The following OPRL1 variants were observed in gnomAD, a reference collection of about 807,000 sequenced individuals.
The protein encoded by OPRL1 is nociceptin receptor.
In OPRL1, 5 loss-of-function variants were observed where a neutral mutation model predicts 15.5. That is an observed-to-expected ratio of 0.32 (90% CI 0.17 to 0.68). OPRL1 has a LOEUF of 0.68. OPRL1 is among the 30% of genes least tolerant of loss of function. OPRL1 has a pLI of 0.72. For missense variants in OPRL1, 406 were observed against 515.3 expected, an observed-to-expected ratio of 0.79 and a Z score of 2.05; for synonymous variants, 223 against 230.2, an observed-to-expected ratio of 0.97 and a Z score of 0.28.
chr20:64,083,735 C>T lies in OPRL1; in HGVS notation c.-185+3383C>T. 1 of 1,348,488 alleles carries T rather than the reference C, an allele frequency of 7.4e-7. No individual in the cohort carries two copies. Among genetic ancestry groups the T allele is most frequent in the Non-Finnish European group, 9.5e-7 (1 of 1,057,258 alleles). 83.5% of individuals were successfully genotyped at this position (1,348,488 alleles called of 1,614,324 possible). On this transcript the variant is annotated intron_variant, in intron 1 of 4. Coordinates refer to ENST00000336866, the MANE Select transcript of OPRL1 (RefSeq NM_182647.4). The surrounding 1 kb of genome is among the most constrained non-coding windows in gnomAD (Gnocchi z 4.9). The stretch of plus-strand genomic sequence containing the variant: ...GGGGCCCGGGTAGCTGAGCGCGCGC[C>T]GAGCCCCGCCCCGCCCCGCCCCGGC...
chr20:64,092,364 G>T (rs1277621795), intron 2 of OPRL1, among the ~76,000 whole-genome samples: 1 of 152,166 alleles, frequency 6.6e-6, no homozygotes, highest in East Asian at 1.9e-4. Flanking sequence ...GTCCCTGTGG[G>T]TGGACACGTG....
intron 3 of OPRL1, among the ~76,000 whole-genome samples, chr20:64,096,602 A>G (rs1419679034): frequency 6.6e-6 from 1 of 152,104 alleles, no homozygotes; most frequent in South Asian, 2.1e-4. Flanking sequence ...TCTAACAGGC[A>G]GAATGGAGCC....
In OPRL1 at chr20:64,092,695, A is replaced by G. The variant is rs2060132481; in HGVS notation, c.-26A>G. Reference sequence around the variant, plus strand: ...CTCTGCGCTCTGTCCCAGGTACCGTACAGAGTGGATTTGCAGGGCAGTGGC... The same window carrying G: ...CTCTGCGCTCTGTCCCAGGTACCGTGCAGAGTGGATTTGCAGGGCAGTGGC... On this transcript the variant is annotated 5_prime_UTR_variant, in exon 3 of 5. Transcript: ENST00000336866. 1 of 1,603,766 alleles carries G rather than the reference A, an allele frequency of 6.2e-7. No individual in the cohort carries two copies. Among genetic ancestry groups the G allele is most frequent in the Non-Finnish European group, 8.5e-7 (1 of 1,174,086 alleles).
chr20:64,098,738 G>T lies in OPRL1; in HGVS notation c.1052G>T (p.Ser351Ile). The change falls in exon 5 of 5, where the codon AGC (serine) becomes ATC (isoleucine). Residue 351 changes from serine (S) to isoleucine (I), a missense_variant. Transcript: ENST00000336866. ...RDVQVSDRVR[S>I]IAKDVALACK... is the part of the protein sequence containing the mutation. The stretch of plus-strand genomic sequence containing the variant: ...GTGCAGGTGTCTGACCGCGTGCGCA[G>T]CATTGCCAAGGACGTGGCCCTGGCC... The T allele has an allele frequency of 6.2e-7, 1 of 1,610,674 alleles. No homozygotes were observed.
At chr20:64,087,851 G>C (rs973086977) in intron 1 of OPRL1, among the ~76,000 whole-genome samples, 1 of 152,206 alleles carries the variant, frequency 6.6e-6, no homozygotes, top group Non-Finnish European at 1.5e-5. Context: ...TGGCAGGTTG[G>C]GGGAGGGCAG....
In OPRL1 at chr20:64,083,473, G is replaced by C. The variant is rs1312869522; in HGVS notation, c.-185+3121G>C. ...ATGGTGCCATCCACGTTCTCCTCCA[G>C]GATGGTCTCCACGCGCCTCCGCTGC... is the stretch of plus-strand genomic sequence containing the variant. On this transcript the variant is annotated intron_variant, in intron 1 of 4. Coordinates refer to ENST00000336866, the MANE Select transcript of OPRL1 (RefSeq NM_182647.4). This position sits in a 1 kb window ranked among gnomAD's most constrained non-coding sequence, Gnocchi z 4.9. The C allele has an allele frequency of 3.1e-6, 5 of 1,604,830 alleles. No homozygotes were observed. Among genetic ancestry groups the C allele is most frequent in the Non-Finnish European group, 4.2e-6 (5 of 1,176,640 alleles).
intron 1 of OPRL1, among the ~76,000 whole-genome samples, chr20:64,087,031 C>G (rs1289604892): frequency 6.6e-6 from 1 of 152,216 alleles, no homozygotes; most frequent in Non-Finnish European, 1.5e-5. Flanking sequence ...AATCTCACCC[C>G]GGAACCCAGG....
intron 1 of OPRL1, among the ~76,000 whole-genome samples, chr20:64,082,131 A>G (rs541614479): frequency 3.5e-4 from 53 of 152,314 alleles, no homozygotes; most frequent in African/African-American, 1.3e-3. Flanking sequence ...AGACGACACC[A>G]GGGCTGGCTG....
At chr20:64,091,933 C>T (rs1452384237) in intron 1 of OPRL1, 33 bp from the exon 2 acceptor site, 1 of 152,694 alleles carries the variant, frequency 6.5e-6, no homozygotes, top group African/African-American at 2.4e-5. Flanking sequence ...CCCTCCCCTT[C>T]TGGAGCTGCA....
intron 1 of OPRL1, chr20:64,084,420 T>C (rs1350978810): frequency 2.4e-6 from 3 of 1,260,588 alleles, no homozygotes; most frequent in Middle Eastern, 3.0e-4. Flanking sequence ...CCCCAGCAGC[T>C]CTGCCATCGG....
chr20:64,096,529 A>G (rs1979126441), intron 3 of OPRL1, among the ~76,000 whole-genome samples: 2 of 152,126 alleles, frequency 1.3e-5, no homozygotes, highest in African/African-American at 2.4e-5. Flanking sequence ...ATTTGCCATG[A>G]TCATTGTCAT....
At chr20:64,086,554 T>C (rs1362553221) in intron 1 of OPRL1, 1 of 197,608 alleles carries the variant, frequency 5.1e-6, no homozygotes, top group Non-Finnish European at 1.2e-5. Context: ...TCTAAAAGCA[T>C]GTTTATTGCT....
At chr20:64,088,627 T>C (rs2060080000) in intron 1 of OPRL1, among the ~76,000 whole-genome samples, 2 of 151,410 alleles carry the variant, frequency 1.3e-5, no homozygotes, top group African/African-American at 2.4e-5. Context: ...GGCCAGGATC[T>C]GTGCAGAGTG....
chr20:64,089,218 G>A lies in OPRL1; in HGVS notation c.-184-2748G>A, dbSNP rs972458328. Among the ~76,000 whole-genome samples, 4 of 152,150 alleles carry A rather than the reference G, an allele frequency of 2.6e-5. No homozygotes were observed. Among genetic ancestry groups the A allele is most frequent in the African/African-American group, 9.7e-5 (4 of 41,422 alleles). ...GGGCAGAATGACACAGAACACACAA[G>A]AAGTTCAAGGGAACACATTATGAGA... On this transcript the variant is annotated intron_variant, in intron 1 of 4. Transcript: ENST00000336866. This position sits in a 1 kb window ranked among gnomAD's most constrained non-coding sequence, Gnocchi z 5.5.
Position 64,082,065 on chromosome 20 carries a change from C to T in OPRL1, c.-185+1713C>T, listed in dbSNP as rs116532265. Among the ~76,000 whole-genome samples, 1,344 of 152,322 alleles carry T rather than the reference C, an allele frequency of 8.8e-3. 18 individuals carry two copies. Among genetic ancestry groups the T allele is most frequent in the African/African-American group, 0.03 (1,249 of 41,560 alleles). ...CCAGTAGATGAACTCATTCTAGGCA[C>T]TCAGTCAATCCCCAAGACACAGAAT... On this transcript the variant is annotated intron_variant, in intron 1 of 4. Coordinates refer to ENST00000336866, the MANE Select transcript of OPRL1 (RefSeq NM_182647.4).
In OPRL1 at chr20:64,092,732, C is replaced by T. The variant is rs1978347390; in HGVS notation, c.12C>T (p.Leu4=). The T allele has an allele frequency of 1.2e-6, 2 of 1,612,168 alleles. No individual in the cohort carries two copies. The highest frequency in any genetic ancestry group is 4.5e-5 in the East Asian group (2 of 44,840). ...TGCAGGGCAGTGGCATGGAGCCCCT[C>T]TTCCCCGCGCCGTTCTGGGAGGTTA... The part of the protein sequence containing the change: MEP[L]FPAPFWEVIY... The change falls in exon 3 of 5, where the codon CTC becomes CTT. Residue 4 remains leucine, a synonymous_variant. Coordinates refer to ENST00000336866, the MANE Select transcript of OPRL1 (RefSeq NM_182647.4).
intron 1 of OPRL1, chr20:64,084,247 G>A (rs1196410443): frequency 1.5e-6 from 2 of 1,355,672 alleles, no homozygotes; most frequent in South Asian, 1.7e-5. Flanking sequence ...GGAGGAGGGC[G>A]TCCCGTCGGT....
At chr20:64,085,721 G>A (rs1168885259) in intron 1 of OPRL1, among the ~76,000 whole-genome samples, 1 of 152,206 alleles carries the variant, frequency 6.6e-6, no homozygotes, top group Non-Finnish European at 1.5e-5. Flanking sequence ...CACCTTGCTG[G>A]GAGTTTGGAA....
chr20:64,098,100 G>A lies in OPRL1; in HGVS notation c.532G>A (p.Ala178Thr), dbSNP rs2145627403. ...TGTCAATGTGGCCATCTGGGCCCTG[G>A]CCTCTGTTGTCGGTGTTCCCGTTGC... ...QAVNVAIWALASVVGVPVAIM... is the reference protein window; with the variant it reads ...QAVNVAIWALTSVVGVPVAIM... Residue 178 changes from alanine to threonine, a missense_variant, in exon 4 of 5, where the codon GCC becomes ACC. Coordinates refer to ENST00000336866, the MANE Select transcript of OPRL1 (RefSeq NM_182647.4). 1 of 1,613,282 alleles carries A rather than the reference G, an allele frequency of 6.2e-7. No homozygotes were observed.
Sources: allele counts gnomAD v4.1 joint callset (sites outside exome capture counted in the v4.1 genomes callset), GRCh38; gene constraint gnomAD v4.1.1; non-coding constraint Gnocchi (gnomAD v3.1); transcripts MANE v1.5; gene names NCBI Gene and HGNC (gene_info 2026-07-23, HGNC 2026-07-21).